Variants in BACH2 observed in about 807,000 individuals in gnomAD.
BACH2 encodes transcription regulator protein BACH2.
BACH2 carries 5 observed loss-of-function variants against 61.8 expected under a neutral mutation model. The observed-to-expected ratio is 0.08, with a 90% CI of 0.04 to 0.17. BACH2 has a LOEUF of 0.17. BACH2 is among the 10% of genes least tolerant of loss of function. The pLI is 1.00. For synonymous variants in BACH2, 446 were observed against 440.1 expected (o/e 1.01, Z -0.17); for missense variants, 824 against 1,091.1 (o/e 0.76, Z 3.45).
chr6:90,106,900 A>C (rs1372161989), intron 4 of BACH2, among the ~76,000 whole-genome samples: 6 of 152,182 alleles, frequency 3.9e-5, no homozygotes, highest in Admixed American at 3.9e-4. Flanking sequence ...ACCTACATAC[A>C]TGGTAGGGAG....
At chr6:90,174,941 C>T (rs1767938770) in intron 4 of BACH2, among the ~76,000 whole-genome samples, 1 of 149,806 alleles carries the variant, frequency 6.7e-6, no homozygotes, top group South Asian at 2.1e-4. Flanking sequence ...ACAAACAAGA[C>T]AGTAAGTAAC....
chr6:90,103,788 C>T (rs1782781506), intron 4 of BACH2, among the ~76,000 whole-genome samples: 1 of 152,158 alleles, frequency 6.6e-6, no homozygotes. Flanking sequence ...AGTCTGAATC[C>T]TATTTCTTGG....
intron 1 of BACH2, among the ~76,000 whole-genome samples, chr6:90,295,857 C>T (rs1772345119): frequency 6.6e-6 from 1 of 152,170 alleles, no homozygotes; most frequent in African/African-American, 2.4e-5. Context: ...CCTCTTCCTG[C>T]GACCCTAAAC....
intron 5 of BACH2, among the ~76,000 whole-genome samples, chr6:90,073,564 G>C (rs1458268798): frequency 6.6e-6 from 1 of 152,180 alleles, no homozygotes; most frequent in South Asian, 2.1e-4. Flanking sequence ...CCTTTGGCCA[G>C]TTAACACATG....
At chr6:90,221,865 G>A (rs1769745381) in intron 3 of BACH2, among the ~76,000 whole-genome samples, 1 of 152,152 alleles carries the variant, frequency 6.6e-6, no homozygotes, top group Non-Finnish European at 1.5e-5. Context: ...AGGAAGGGCT[G>A]GGAGATGAGG....
chr6:90,076,601 C>G (rs545130584), intron 5 of BACH2, among the ~76,000 whole-genome samples: 1 of 152,284 alleles, frequency 6.6e-6, no homozygotes, highest in Admixed American at 6.5e-5. Flanking sequence ...AGCCCCCTTT[C>G]CCTTTGCTTG....
rs76172664 is a variant in BACH2, at chr6:90,027,888, C to T, written c.-12-19032G>A. On this transcript the variant is annotated intron_variant, in intron 5 of 8. Coordinates refer to ENST00000257749, the MANE Select transcript of BACH2 (RefSeq NM_021813.4). The stretch of plus-strand genomic sequence containing the variant: ...TGAAAAGAAAGTTAATTTCTTTGCA[C>T]ATTATATACACTTGTAATTCTACAT... Among the ~76,000 whole-genome samples, 1,119 of 152,284 alleles carry T rather than the reference C, an allele frequency of 7.3e-3. 18 individuals are homozygous for T. In the East Asian group the frequency reaches 0.077, roughly 10 times the overall value.
At chr6:90,291,613 CAA>C (rs367983479) in intron 1 of BACH2, among the ~76,000 whole-genome samples, 12 of 115,904 alleles carry the variant, frequency 1.0e-4, no homozygotes, top group Admixed American at 4.1e-4. Context: ...TCATCACAAA[CAA>C]AAAAAAAAAG....
At chr6:89,991,054 C>T (rs1276690694) in intron 6 of BACH2, among the ~76,000 whole-genome samples, 2 of 152,240 alleles carry the variant, frequency 1.3e-5, no homozygotes, top group African/African-American at 2.4e-5. Context: ...CTTTACTTTG[C>T]TTCTAGGACT....
intron 1 of BACH2, among the ~76,000 whole-genome samples, chr6:90,284,362 G>A (rs1330009910): frequency 2.6e-5 from 4 of 152,164 alleles, no homozygotes; most frequent in Admixed American, 2.0e-4. Flanking sequence ...CCACTCTGCT[G>A]TTTCCTCTGA....
intron 5 of BACH2, among the ~76,000 whole-genome samples, chr6:90,055,682 C>T (rs961178707): frequency 5.3e-5 from 8 of 150,258 alleles, no homozygotes; most frequent in Non-Finnish European, 1.0e-4. Flanking sequence ...CAAGATTCAC[C>T]AAAGTTGAAA....
chr6:90,145,358 A>G (rs1784582206), intron 4 of BACH2, among the ~76,000 whole-genome samples: 1 of 152,252 alleles, frequency 6.6e-6, no homozygotes, highest in South Asian at 2.1e-4. Context: ...ATTAACTGCT[A>G]CTAGCTTAGA....
chr6:90,256,938 T>A (rs1770998534), intron 2 of BACH2, among the ~76,000 whole-genome samples: 1 of 152,220 alleles, frequency 6.6e-6, no homozygotes, highest in Non-Finnish European at 1.5e-5. Context: ...ATATTTGAAA[T>A]TTTTTTGGTT....
At chr6:90,102,825 AATAATAATAAT>A (rs1562445639) in intron 4 of BACH2, among the ~76,000 whole-genome samples, 19 of 139,186 alleles carry the variant, frequency 1.4e-4, no homozygotes, top group African/African-American at 5.1e-4. Context: ...TAATAATAAT[AATAATAATAAT>A]AATAAAAATA....
At chr6:89,948,646 T>C (rs1398491622) in intron 7 of BACH2, among the ~76,000 whole-genome samples, 1 of 152,166 alleles carries the variant, frequency 6.6e-6, no homozygotes, top group Non-Finnish European at 1.5e-5. Context: ...GGCACGCTCA[T>C]TCACGGTTTC....
intron 5 of BACH2, among the ~76,000 whole-genome samples, chr6:90,041,130 T>C (rs943285981): frequency 2.0e-5 from 3 of 152,176 alleles, no homozygotes; most frequent in East Asian, 3.8e-4. Context: ...ATGGGCGCCC[T>C]TGTCTTCATT....
intron 6 of BACH2, among the ~76,000 whole-genome samples, chr6:90,002,105 T>C (rs1777162692): frequency 6.6e-6 from 1 of 152,184 alleles, no homozygotes; most frequent in Admixed American, 6.5e-5. Context: ...TCAGCATCAT[T>C]TGACCTAGTT....
chr6:90,173,363 A>T (rs1767881900), intron 4 of BACH2, among the ~76,000 whole-genome samples: 1 of 152,186 alleles, frequency 6.6e-6, no homozygotes, highest in African/African-American at 2.4e-5. Context: ...GAATGTTCAT[A>T]GCAACTTTAT....
At chr6:90,020,861 T>C (rs749058918) in intron 5 of BACH2, among the ~76,000 whole-genome samples, 1 of 152,188 alleles carries the variant, frequency 6.6e-6, no homozygotes, top group Non-Finnish European at 1.5e-5. Flanking sequence ...AAATGGTTTA[T>C]AGTGAGTAAC....
Sources: gnomAD v4.1 joint callset for allele counts (sites outside exome capture counted in the v4.1 genomes callset) on GRCh38, gnomAD v4.1.1 for gene constraint, MANE v1.5 for transcripts, NCBI Gene and HGNC (gene_info 2026-07-23, HGNC 2026-07-21) for gene names.